The following ERBB4 variants were observed in gnomAD, a reference collection of about 807,000 sequenced individuals.
The protein encoded by ERBB4 is receptor tyrosine-protein kinase erbB-4.
In ERBB4, 42 loss-of-function variants were observed where a neutral mutation model predicts 158.0. That is an observed-to-expected ratio of 0.27 (90% confidence interval 0.21 to 0.34). The LOEUF (loss-of-function observed/expected upper bound fraction) is 0.34. Ranked by LOEUF, ERBB4 falls within the 10% of genes least tolerant of loss-of-function variation. The pLI, the probability that ERBB4 is intolerant of heterozygous loss-of-function variation, is 1.00. For synonymous variants in ERBB4, 583 were observed against 558.7 expected (o/e 1.04, Z -0.61); for missense variants, 1,333 against 1,624.1 (o/e 0.82, Z 3.08).
At chr2:211,802,677 T>C (rs1041938975) in intron 3 of ERBB4, among the ~76,000 whole-genome samples, 2 of 152,356 alleles carry the variant, frequency 1.3e-5, no homozygotes, top group Non-Finnish European at 2.9e-5. Context: ...CTCCAGAGCT[T>C]CAAGAGTTAT....
chr2:212,279,054 C>T (rs943651604), intron 1 of ERBB4, among the ~76,000 whole-genome samples: 13 of 151,594 alleles, frequency 8.6e-5, no homozygotes, highest in African/African-American at 2.9e-4. Flanking sequence ...AATTAAATCT[C>T]TCTCTTTTAC....
chr2:212,430,401 T>C (rs542488608), intron 1 of ERBB4, among the ~76,000 whole-genome samples: 5 of 152,022 alleles, frequency 3.3e-5, no homozygotes, highest in Non-Finnish European at 7.4e-5. Flanking sequence ...CAGTCAGTTA[T>C]GTCTCTTTGC....
At chr2:212,223,332 TTATA>T (rs58824300) in intron 1 of ERBB4, among the ~76,000 whole-genome samples, 3 of 144,144 alleles carry the variant, frequency 2.1e-5, no homozygotes, top group African/African-American at 5.0e-5. Flanking sequence ...CTTATTAAGC[TTATA>T]TATATATATA....
At chr2:212,342,291 T>C (rs2088759400) in intron 1 of ERBB4, among the ~76,000 whole-genome samples, 1 of 152,130 alleles carries the variant, frequency 6.6e-6, no homozygotes, top group East Asian at 1.9e-4. Context: ...TCCCCACGTG[T>C]CATGGGAGGG....
chr2:212,491,144 TAAGA>T (rs1309332808), intron 1 of ERBB4, among the ~76,000 whole-genome samples: 1 of 151,616 alleles, frequency 6.6e-6, no homozygotes, highest in Non-Finnish European at 1.5e-5. Flanking sequence ...ATCATAAGTA[TAAGA>T]AAGGACCCAA....
At chr2:211,937,719 C>A (rs1313967718) in intron 3 of ERBB4, among the ~76,000 whole-genome samples, 2 of 152,068 alleles carry the variant, frequency 1.3e-5, no homozygotes, top group Non-Finnish European at 1.5e-5. Context: ...AGAACTAACT[C>A]ACTATCATGA....
At chr2:211,935,831 C>A (rs2080307448) in intron 3 of ERBB4, among the ~76,000 whole-genome samples, 1 of 152,120 alleles carries the variant, frequency 6.6e-6, no homozygotes, top group Non-Finnish European at 1.5e-5. Context: ...GTGGTTATTG[C>A]AAGGATGAAG....
intron 2 of ERBB4, among the ~76,000 whole-genome samples, chr2:212,056,322 G>A (rs187962289): frequency 8.1e-4 from 123 of 152,268 alleles, no homozygotes; most frequent in South Asian, 3.3e-3. Flanking sequence ...TGAAAGTGAC[G>A]GGGAGAATGG....
At chr2:212,413,453 T>G (rs924607171) in intron 1 of ERBB4, among the ~76,000 whole-genome samples, 7 of 152,184 alleles carry the variant, frequency 4.6e-5, no homozygotes, top group African/African-American at 1.7e-4. Flanking sequence ...CTCTGTTATA[T>G]TTCATTTATT....
intron 1 of ERBB4, among the ~76,000 whole-genome samples, chr2:212,199,907 G>C (rs2082543127): frequency 6.6e-6 from 1 of 152,126 alleles, no homozygotes; most frequent in Non-Finnish European, 1.5e-5. Context: ...AGTATGAAAA[G>C]ATATTAGTGG....
At chr2:211,964,133 C>T (rs2081253743) in intron 2 of ERBB4, among the ~76,000 whole-genome samples, 2 of 152,154 alleles carry the variant, frequency 1.3e-5, no homozygotes, top group African/African-American at 2.4e-5. Flanking sequence ...TCATACTAGA[C>T]TTCAGCAGTG....
At chr2:211,648,965 G>T (rs567100101) in intron 16 of ERBB4, among the ~76,000 whole-genome samples, 2 of 151,832 alleles carry the variant, frequency 1.3e-5, no homozygotes, top group Non-Finnish European at 3.0e-5. Flanking sequence ...AATCTCTGCA[G>T]AATTTTAAAA....
At chr2:211,531,510 A>T (rs2066498906) in intron 20 of ERBB4, among the ~76,000 whole-genome samples, 1 of 152,170 alleles carries the variant, frequency 6.6e-6, no homozygotes, top group Non-Finnish European at 1.5e-5. Flanking sequence ...ATCTGAACAG[A>T]CATTTCTCAA....
intron 1 of ERBB4, among the ~76,000 whole-genome samples, chr2:212,417,176 T>C (rs2091675815): frequency 6.6e-6 from 1 of 152,070 alleles, no homozygotes; most frequent in Non-Finnish European, 1.5e-5. Flanking sequence ...TCGTACATCA[T>C]CAGTTAAAGC....
chr2:212,206,677 C>T (rs866854113), intron 1 of ERBB4, among the ~76,000 whole-genome samples: 10 of 149,772 alleles, frequency 6.7e-5, no homozygotes, highest in South Asian at 2.1e-4. Context: ...AGCTCCGCCT[C>T]CCGGGTTCAC....
chr2:211,839,640 T>C (rs562610729), intron 3 of ERBB4, among the ~76,000 whole-genome samples: 1 of 152,218 alleles, frequency 6.6e-6, no homozygotes, highest in Admixed American at 6.6e-5. Context: ...TTGACATAAA[T>C]ATTCTATAAT....
intron 2 of ERBB4, among the ~76,000 whole-genome samples, chr2:211,968,254 C>A (rs1469501840): frequency 6.6e-6 from 1 of 151,978 alleles, no homozygotes; most frequent in Non-Finnish European, 1.5e-5. Flanking sequence ...AATAAAAACA[C>A]CCTCAAGTTT....
intron 1 of ERBB4, among the ~76,000 whole-genome samples, chr2:212,247,369 C>G (rs1391969295): frequency 1.3e-5 from 2 of 152,146 alleles, no homozygotes; most frequent in East Asian, 1.9e-4. Context: ...AAAAAAATTA[C>G]TGCTTTATGA....
At chr2:211,572,175 C>T (rs1002516271) in intron 19 of ERBB4, among the ~76,000 whole-genome samples, 1 of 152,058 alleles carries the variant, frequency 6.6e-6, no homozygotes, top group African/African-American at 2.4e-5. Flanking sequence ...TTTTAATTAA[C>T]ATATTCTGTT....
Sources: allele counts gnomAD v4.1 joint callset (sites outside exome capture counted in the v4.1 genomes callset), GRCh38; gene constraint gnomAD v4.1.1; transcripts MANE v1.5; gene names NCBI Gene and HGNC (gene_info 2026-07-23, HGNC 2026-07-21).